Variants in TRHDE observed in about 807,000 individuals in gnomAD.
TRHDE encodes thyrotropin-releasing hormone-degrading ectoenzyme.
In TRHDE, 72 loss-of-function variants were observed where a neutral mutation model predicts 125.7. That is an observed-to-expected ratio of 0.57 (90% CI 0.47 to 0.70). The LOEUF is 0.70. Ranked by LOEUF, TRHDE falls within the 30% of genes least tolerant of loss-of-function variation. TRHDE has a pLI of 0.00. For missense variants in TRHDE, 1,110 were observed against 1,327.1 expected, an observed-to-expected ratio of 0.84 and a Z score of 2.54; for synonymous variants, 509 against 509.1, an observed-to-expected ratio of 1.00 and a Z score of 0.00.
At chr12:72,176,763 A>G (rs967825683) in intron 2 of TRHDE, among the ~76,000 whole-genome samples, 4 of 152,228 alleles carry the variant, frequency 2.6e-5, no homozygotes, top group African/African-American at 9.6e-5. Context: ...AAAGGAACTT[A>G]GAAAACTTGA....
At chr12:72,409,420 T>G (rs1013005945) in intron 3 of TRHDE, among the ~76,000 whole-genome samples, 8 of 152,222 alleles carry the variant, frequency 5.3e-5, no homozygotes, top group Non-Finnish European at 8.8e-5. Context: ...TCAGTTTTTC[T>G]GGCTTCTTCT....
intron 17 of TRHDE, among the ~76,000 whole-genome samples, chr12:72,655,540 T>C (rs1592599198): frequency 6.6e-6 from 1 of 152,244 alleles, no homozygotes; most frequent in African/African-American, 2.4e-5. Flanking sequence ...CAGAAGCCAT[T>C]CCCAAGACCC....
At chr12:72,652,575 A>C in intron 16 of TRHDE, 86 bp downstream of exon 16, 1 of 972,318 alleles carries the variant, frequency 1.0e-6, no homozygotes, top group Non-Finnish European at 1.5e-6. Flanking sequence ...TATTTACTTG[A>C]ATATATGCTA....
intron 5 of TRHDE, among the ~76,000 whole-genome samples, chr12:72,497,336 C>G (rs982354466): frequency 6.6e-6 from 1 of 151,982 alleles, no homozygotes; most frequent in African/African-American, 2.4e-5. Flanking sequence ...TAGCCATTTA[C>G]TTTATACCAT....
rs1214020607 is a variant in TRHDE, at chr12:72,282,146, T to G, written c.915-4535T>G. Reference sequence around the variant, plus strand: ...TCATTAAAAGATAAAAATGATTTTGTTTAGGAAAGCAGGAGAATAACAGAC... The same window carrying G: ...TCATTAAAAGATAAAAATGATTTTGGTTAGGAAAGCAGGAGAATAACAGAC... On this transcript the variant is annotated intron_variant, in intron 1 of 18. Coordinates refer to ENST00000261180, the MANE Select transcript of TRHDE (RefSeq NM_013381.3). Among the ~76,000 whole-genome samples, 3 of 152,178 alleles carry G rather than the reference T, an allele frequency of 2.0e-5. No individual in the cohort carries two copies. The East Asian group carries it at 5.8e-4, about 29-fold the overall frequency.
chr12:72,197,640 T>G (rs1310177522), intron 2 of TRHDE, among the ~76,000 whole-genome samples: 1 of 152,130 alleles, frequency 6.6e-6, no homozygotes, highest in Non-Finnish European at 1.5e-5. Context: ...CTCTAACTTC[T>G]TGTGTTCCTC....
chr12:72,096,119 C>G (rs1445050875), intron 1 of TRHDE, among the ~76,000 whole-genome samples: 1 of 116,668 alleles, frequency 8.6e-6, no homozygotes, highest in Non-Finnish European at 1.8e-5. Flanking sequence ...TAAGATAAAT[C>G]TTTTCTTATG....
At chr12:72,153,349 T>A (rs1284909236) in intron 2 of TRHDE, among the ~76,000 whole-genome samples, 1 of 152,210 alleles carries the variant, frequency 6.6e-6, no homozygotes, top group East Asian at 1.9e-4. Context: ...AAAAACCAGC[T>A]CCTGGATTCA....
At chr12:72,636,679 T>C (rs1325398907) in intron 15 of TRHDE, among the ~76,000 whole-genome samples, 1 of 152,248 alleles carries the variant, frequency 6.6e-6, no homozygotes, top group Admixed American at 6.5e-5. Context: ...GTACGTCCCA[T>C]CAATACCTAA....
intron 6 of TRHDE, among the ~76,000 whole-genome samples, chr12:72,540,044 G>C (rs1248178821): frequency 6.6e-6 from 1 of 151,816 alleles, no homozygotes; most frequent in East Asian, 1.9e-4. Context: ...AGCTCTGCCT[G>C]TGTTAGGGGT....
chr12:72,542,010 A>T (rs1406971004), intron 6 of TRHDE, among the ~76,000 whole-genome samples: 1 of 151,442 alleles, frequency 6.6e-6, no homozygotes, highest in Non-Finnish European at 1.5e-5. Flanking sequence ...TCAATAAAAT[A>T]TTGAGTACTC....
chr12:72,440,714 A>G (rs1241545606), intron 3 of TRHDE, among the ~76,000 whole-genome samples: 1 of 151,870 alleles, frequency 6.6e-6, no homozygotes, highest in Admixed American at 6.6e-5. Context: ...GCCTGGCTCT[A>G]GCATCTGAGG....
chr12:72,159,131 T>C (rs188170703), intron 2 of TRHDE, among the ~76,000 whole-genome samples: 49 of 152,360 alleles, frequency 3.2e-4, no homozygotes, highest in Non-Finnish European at 6.3e-4. Flanking sequence ...CTATGTAACA[T>C]GTACCAATCA....
chr12:72,408,036 A>G (rs2135810647), intron 3 of TRHDE, among the ~76,000 whole-genome samples: 1 of 152,336 alleles, frequency 6.6e-6, no homozygotes, highest in Middle Eastern at 3.4e-3. Context: ...AGGAGCCAGC[A>G]TCTGTGAGGG....
At chr12:72,250,622 G>A (rs1349394972) in intron 2 of TRHDE, among the ~76,000 whole-genome samples, 1 of 151,956 alleles carries the variant, frequency 6.6e-6, no homozygotes, top group Non-Finnish European at 1.5e-5. Context: ...CTTACTGGAT[G>A]CTCAAAGAAT....
intron 2 of TRHDE, among the ~76,000 whole-genome samples, chr12:72,324,503 A>G (rs1869248276): frequency 6.6e-6 from 1 of 152,146 alleles, no homozygotes; most frequent in Non-Finnish European, 1.5e-5. Flanking sequence ...AAATCAGGTG[A>G]TAAGTCAGAC....
intron 3 of TRHDE, among the ~76,000 whole-genome samples, chr12:72,414,528 G>A (rs76624911): frequency 0.019 from 2,819 of 152,114 alleles, 102 homozygotes; most frequent in Admixed American, 0.09. Flanking sequence ...CAACTCTGTC[G>A]AATTAAGAAT....
chr12:72,334,175 A>G (rs1190521635), intron 2 of TRHDE, among the ~76,000 whole-genome samples: 2 of 152,204 alleles, frequency 1.3e-5, no homozygotes, highest in Non-Finnish European at 2.9e-5. Context: ...TCTGTGTAAT[A>G]TATTGTTCAG....
chr12:72,425,202 GCC>G (rs1874132623), intron 3 of TRHDE, among the ~76,000 whole-genome samples: 1 of 152,112 alleles, frequency 6.6e-6, no homozygotes, highest in Non-Finnish European at 1.5e-5. Context: ...ATGTTGGCAT[GCC>G]ATTGGCCAGC....
Sources: gnomAD v4.1 joint callset for allele counts (sites outside exome capture counted in the v4.1 genomes callset) on GRCh38, gnomAD v4.1.1 for gene constraint, MANE v1.5 for transcripts, NCBI Gene and HGNC (gene_info 2026-07-23, HGNC 2026-07-21) for gene names.